The following HEMK1 variants were observed in gnomAD, a reference collection of about 807,000 sequenced individuals.
The protein encoded by HEMK1 is MTRF1L release factor glutamine methyltransferase.
Under a neutral mutation model 47.9 loss-of-function variants are expected in HEMK1, and 36 were observed. That is an observed-to-expected ratio of 0.75 (90% confidence interval 0.58 to 0.99). The LOEUF (loss-of-function observed/expected upper bound fraction) is 0.99, where lower values mean the gene tolerates loss of function less well. HEMK1 is among the 50% of genes least tolerant of loss of function. The pLI is 0.00. For synonymous variants in HEMK1, 153 were observed against 165.4 expected (o/e 0.93, Z 0.57); for missense variants, 383 against 434.5 (o/e 0.88, Z 1.05).
At chr3:50,579,476 G>T (rs1251599592) in intron 8 of HEMK1, among the ~76,000 whole-genome samples, 2 of 152,184 alleles carry the variant, frequency 1.3e-5, no homozygotes, top group Admixed American at 1.3e-4. Context: ...TGGGGCTGGG[G>T]TGTTGGCTCT....
At position 50,584,122 on chromosome 3, in the gene HEMK1, C is replaced by G. The variant is rs978772468; in HGVS notation, c.*3705C>G. On this transcript the variant is annotated 3_prime_UTR_variant, in exon 11 of 11. Transcript: ENST00000232854. Reference sequence around the variant, plus strand: ...TGGCCACTTCGAAGACTCAAGTGCACCTGATCCCTGCGCAACAGCCACACC... The same window carrying G: ...TGGCCACTTCGAAGACTCAAGTGCAGCTGATCCCTGCGCAACAGCCACACC... The G allele has an allele frequency of 1.3e-5, 2 of 152,230 alleles. No individual in the cohort carries two copies. The highest frequency in any genetic ancestry group is 2.9e-5 in the Non-Finnish European group (2 of 68,056). The allele number at this position is 152,230 out of a possible 1,614,324, so 9.4% of individuals were successfully genotyped here. A position where few individuals can be genotyped will look rare whatever the true frequency, so the allele number is the denominator to read the frequency against.
chr3:50,577,292 C>A, intron 5 of HEMK1, 106 bp downstream of exon 5: 2 of 1,364,650 alleles, frequency 1.5e-6, no homozygotes, highest in Non-Finnish European at 2.0e-6. Context: ...GGGGAAGCAG[C>A]TGGATGAGGG....
intron 6 of HEMK1, 65 bp downstream of exon 6, chr3:50,577,638 T>C (rs2029905630): frequency 1.3e-6 from 2 of 1,523,312 alleles, no homozygotes; most frequent in East Asian, 2.3e-5. Context: ...AACTCACCAA[T>C]GTCTGATTTC....
At chr3:50,571,517 G>A in intron 2 of HEMK1, 185 bp downstream of exon 2, 1 of 685,544 alleles carries the variant, frequency 1.5e-6, no homozygotes. Context: ...CTCTGCCTAA[G>A]TGTTCTGGGA....
In HEMK1 at chr3:50,586,591, G is replaced by C. The variant is rs986838272; in HGVS notation, c.*6174G>C. 1 of 152,390 alleles carries C rather than the reference G, an allele frequency of 6.6e-6. No homozygotes were observed. The highest frequency in any genetic ancestry group is 2.4e-5 in the African/African-American group (1 of 41,470). 9.4% of individuals were successfully genotyped at this position (152,390 alleles called of 1,614,324 possible). ...ACTAGGTCTGCGGCCCTCTTCTGGG[G>C]CATGTGGCTGGGGAAATGGTGGGAT... On this transcript the variant is annotated 3_prime_UTR_variant, in exon 11 of 11. Coordinates refer to ENST00000232854, the MANE Select transcript of HEMK1 (RefSeq NM_016173.5).
At chr3:50,570,000 C>G (rs1700742505) in intron 1 of HEMK1, 1 of 152,170 alleles carries the variant, frequency 6.6e-6, no homozygotes, top group African/African-American at 2.4e-5. Context: ...GTCAGTATGC[C>G]CGGCCAATTT....
intron 8 of HEMK1, among the ~76,000 whole-genome samples, chr3:50,579,164 G>A (rs897797234): frequency 6.6e-6 from 1 of 152,200 alleles, no homozygotes; most frequent in Non-Finnish European, 1.5e-5. Context: ...CCTGTTTCCT[G>A]CCTCTAGAAA....
At position 50,594,283 on chromosome 3, in the gene HEMK1, T is replaced by TC. The variant is rs2031861155; in HGVS notation, c.*13867dup. 6.6e-6 allele frequency: 1 copy of TC among 152,320 alleles called. No homozygotes were observed. Among genetic ancestry groups the TC allele is most frequent in the South Asian group, 2.1e-4 (1 of 4,834 alleles). 9.4% of individuals were successfully genotyped at this position (152,320 alleles called of 1,614,324 possible). A position where few individuals can be genotyped will look rare whatever the true frequency, so the allele number is the denominator to read the frequency against. On this transcript the variant is annotated 3_prime_UTR_variant, in exon 11 of 11. Coordinates refer to ENST00000232854, the MANE Select transcript of HEMK1 (RefSeq NM_016173.5). ...TTGTTTATTTTAGAGGCTTTTTTTT[T>TC]CATCTTTCATTCATGCAACAGACCT...
In HEMK1 at chr3:50,580,420, T is replaced by C; in HGVS notation, c.*3T>C. 6.2e-7 allele frequency: 1 copy of C among 1,614,100 alleles called. No homozygotes were observed. The highest frequency in any genetic ancestry group is 1.7e-5 in the Admixed American group (1 of 60,012). ...ATATCCGGAGGTCTGGGCCATAGCATGGCTGCCCTGTGGATGCCTTGTCAG... is the reference window on the plus strand; with the variant it reads ...ATATCCGGAGGTCTGGGCCATAGCACGGCTGCCCTGTGGATGCCTTGTCAG... On this transcript the variant is annotated 3_prime_UTR_variant, in exon 11 of 11. Coordinates refer to ENST00000232854, the MANE Select transcript of HEMK1 (RefSeq NM_016173.5).
chr3:50,578,263 A>G (rs2030116182), intron 7 of HEMK1, among the ~76,000 whole-genome samples: 1 of 152,234 alleles, frequency 6.6e-6, no homozygotes, highest in Non-Finnish European at 1.5e-5. Context: ...GGCACTGCAC[A>G]GCTCAGCTAT....
chr3:50,572,256 C>T, intron 4 of HEMK1, 48 bp downstream of exon 4: 4 of 1,572,148 alleles, frequency 2.5e-6, no homozygotes, highest in Non-Finnish European at 3.5e-6. Flanking sequence ...TGGTGGAGTT[C>T]AGGGCACCAG....
intron 4 of HEMK1, among the ~76,000 whole-genome samples, chr3:50,572,876 A>G (rs901210780): frequency 6.6e-6 from 1 of 152,232 alleles, no homozygotes; most frequent in African/African-American, 2.4e-5. Context: ...TGTAGATGAC[A>G]GAGCTGGGAG....
In HEMK1 at chr3:50,591,163, C is replaced by T. The variant is rs1575973799; in HGVS notation, c.*10746C>T. 6.6e-6 allele frequency: 1 copy of T among 152,304 alleles called. No homozygotes were observed. The allele number at this position is 152,304 out of a possible 1,614,324, so 9.4% of individuals were successfully genotyped here. On this transcript the variant is annotated 3_prime_UTR_variant, in exon 11 of 11. Transcript: ENST00000232854. ...GTCCTAGGATTGCTGAGGGCTGAGACCACCTTCCCAAAGTTGGGGAAGGGG... is the reference window on the plus strand; with the variant it reads ...GTCCTAGGATTGCTGAGGGCTGAGATCACCTTCCCAAAGTTGGGGAAGGGG...
intron 4 of HEMK1, among the ~76,000 whole-genome samples, chr3:50,573,265 A>G (rs417592): frequency 0.78 from 118,435 of 152,164 alleles, 47,039 homozygotes; most frequent in Middle Eastern, 0.89. Context: ...TCAGAGCCCC[A>G]TCCCTCACAT....
At chr3:50,577,623 T>C (rs2029902033) in intron 6 of HEMK1, 50 bp downstream of exon 6, 5 of 1,558,174 alleles carry the variant, frequency 3.2e-6, no homozygotes, top group Admixed American at 1.7e-5. Flanking sequence ...CCTTTTCAGG[T>C]TTCAAACTCA....
upstream of HEMK1, chr3:50,569,487 G>A (rs1471273042): frequency 6.6e-6 from 1 of 152,162 alleles, no homozygotes; most frequent in Admixed American, 6.6e-5. Flanking sequence ...GGCGTCCGAG[G>A]GAGCGCGCGA....
chr3:50,571,378 G>C lies in HEMK1; in HGVS notation c.228+46G>C, dbSNP rs2232246. ...GAGGACAGGAAGAGGGAGGAGGGAGGACTTGGGGAAGGGATATCCAGGTTT... is the reference window on the plus strand; with the variant it reads ...GAGGACAGGAAGAGGGAGGAGGGAGCACTTGGGGAAGGGATATCCAGGTTT... On this transcript the variant is annotated intron_variant, in intron 2 of 10. Coordinates refer to ENST00000232854, the MANE Select transcript of HEMK1 (RefSeq NM_016173.5). 5.9e-4 allele frequency: 834 copies of C among 1,419,034 alleles called. 6 individuals carry two copies. In the African/African-American group the frequency reaches 0.011, roughly 19 times the overall value. The allele number at this position is 1,419,034 out of a possible 1,614,324, so 87.9% of individuals were successfully genotyped here. A position where few individuals can be genotyped will look rare whatever the true frequency, so the allele number is the denominator to read the frequency against.
At chr3:50,578,626 C>T (rs1282533085) in intron 7 of HEMK1, among the ~76,000 whole-genome samples, 195 bp from the exon 8 acceptor site, 2 of 152,220 alleles carry the variant, frequency 1.3e-5, no homozygotes, top group South Asian at 2.1e-4. Flanking sequence ...GAGGGGCTGC[C>T]ATGTTAAAGC....
At chr3:50,575,702 T>A (rs1021688442) in intron 4 of HEMK1, among the ~76,000 whole-genome samples, 1 of 152,180 alleles carries the variant, frequency 6.6e-6, no homozygotes, top group East Asian at 1.9e-4. Context: ...CATCCCCAGC[T>A]CCCTGAGCCA....
Sources: allele counts gnomAD v4.1 joint callset (sites outside exome capture counted in the v4.1 genomes callset), GRCh38; gene constraint gnomAD v4.1.1; transcripts MANE v1.5; gene names NCBI Gene and HGNC (gene_info 2026-07-23, HGNC 2026-07-21).